Variants in KCNMB4 observed in about 807,000 individuals in gnomAD.
KCNMB4 encodes the protein calcium-activated potassium channel subunit beta-4.
A neutral mutation model predicts 20.7 loss-of-function variants in KCNMB4; 3 were observed. The observed-to-expected ratio is 0.14, with a 90% CI of 0.07 to 0.37. The LOEUF is 0.37. KCNMB4 is among the 10% of genes least tolerant of loss of function. The probability of loss-of-function intolerance (pLI) is 1.00; values close to 1 mark genes in which losing one functional copy is unlikely to be tolerated. For synonymous variants in KCNMB4, 110 were observed against 113.4 expected (o/e 0.97, Z 0.19); for missense variants, 168 against 265.9 (o/e 0.63, Z 2.56).
chr12:70,389,477 T>G (rs1031064050), intron 1 of KCNMB4, among the ~76,000 whole-genome samples: 1 of 152,158 alleles, frequency 6.6e-6, no homozygotes, highest in Non-Finnish European at 1.5e-5. Flanking sequence ...GCAGATCCCT[T>G]GAGCCCAGGA....
intron 2 of KCNMB4, among the ~76,000 whole-genome samples, chr12:70,429,577 G>A (rs1455246238): frequency 6.6e-6 from 1 of 150,408 alleles, no homozygotes; most frequent in Non-Finnish European, 1.5e-5. Flanking sequence ...TGAGGCAGGA[G>A]AATGGCATGA....
chr12:70,422,807 T>A, intron 2 of KCNMB4: 7 of 1,258,098 alleles, frequency 5.6e-6, no homozygotes, highest in Non-Finnish European at 7.2e-6. Context: ...AAGAATCACA[T>A]TGGGAAAACC....
chr12:70,391,356 G>A (rs929428077), intron 1 of KCNMB4, among the ~76,000 whole-genome samples: 3 of 151,730 alleles, frequency 2.0e-5, no homozygotes, highest in Admixed American at 6.6e-5. Flanking sequence ...AGGCTGGAGT[G>A]CAGTGGCACA....
chr12:70,366,309 G>C lies in KCNMB4; in HGVS notation c.-426G>C, dbSNP rs1261864287. 1 of 151,590 alleles carries C rather than the reference G, an allele frequency of 6.6e-6. No individual in the cohort carries two copies. The highest frequency in any genetic ancestry group is 1.5e-5 in the Non-Finnish European group (1 of 67,974). 9.4% of individuals were successfully genotyped at this position (151,590 alleles called of 1,614,324 possible). On this transcript the variant is annotated 5_prime_UTR_variant, in exon 1 of 3. Transcript: ENST00000258111. ...CAGCTCAGACACTCCTAGCCTTGGG[G>C]CAGCTGCCGGGCGAGTCAGCGGAGT...
At chr12:70,384,595 A>T (rs1883853690) in intron 1 of KCNMB4, among the ~76,000 whole-genome samples, 2 of 152,238 alleles carry the variant, frequency 1.3e-5, no homozygotes, top group African/African-American at 2.4e-5. Context: ...GTATAATGGA[A>T]AACGCCAGTC....
At chr12:70,423,837 T>A (rs547617507) in intron 2 of KCNMB4, among the ~76,000 whole-genome samples, 2 of 152,300 alleles carry the variant, frequency 1.3e-5, no homozygotes, top group African/African-American at 4.8e-5. Context: ...GGGCAAAAAT[T>A]GGCTCATGAT....
intron 2 of KCNMB4, among the ~76,000 whole-genome samples, chr12:70,416,747 G>A (rs60041709): frequency 0.097 from 14,825 of 152,172 alleles, 877 homozygotes; most frequent in Admixed American, 0.19. Context: ...AAAATTGAAT[G>A]TATAGTAAAG....
intron 2 of KCNMB4, among the ~76,000 whole-genome samples, chr12:70,421,612 C>T (rs4761140): frequency 0.26 from 38,835 of 149,934 alleles, 5,629 homozygotes; most frequent in African/African-American, 0.4. Context: ...GACAGAGTCT[C>T]GCTCTGTCGC....
rs891496416 is a variant in KCNMB4, at chr12:70,434,167, A to T, written c.*3514A>T. 6.6e-6 allele frequency: 1 copy of T among 152,096 alleles called. No individual in the cohort carries two copies. The highest frequency in any genetic ancestry group is 2.4e-5 in the African/African-American group (1 of 41,408). The allele number at this position is 152,096 out of a possible 1,614,324, so 9.4% of individuals were successfully genotyped here. ...CCCTGGCATGCATGCAGGAAGCTTC[A>T]CCCCAGCCTCACACTCTAAGACGGA... On this transcript the variant is annotated 3_prime_UTR_variant, in exon 3 of 3. Coordinates refer to ENST00000258111, the MANE Select transcript of KCNMB4 (RefSeq NM_014505.6).
At chr12:70,393,691 CTA>C (rs1349088372) in intron 1 of KCNMB4, among the ~76,000 whole-genome samples, 1 of 152,126 alleles carries the variant, frequency 6.6e-6, no homozygotes, top group Non-Finnish European at 1.5e-5. Flanking sequence ...ACTAAAAAAA[CTA>C]TGCATTGGAG....
In KCNMB4 at chr12:70,379,459, C is replaced by A. The variant is rs1287834064; in HGVS notation, c.336+12389C>A. On this transcript the variant is annotated intron_variant, in intron 1 of 2. Coordinates refer to ENST00000258111, the MANE Select transcript of KCNMB4 (RefSeq NM_014505.6). ...TTTTTGAGACAAGGTCTGGCTGTCACCCAGGCTGGAGTGCAGTGGTGTGAT... is the reference window on the plus strand; with the variant it reads ...TTTTTGAGACAAGGTCTGGCTGTCAACCAGGCTGGAGTGCAGTGGTGTGAT... Among the ~76,000 whole-genome samples the A allele has an allele frequency of 2.0e-5, 3 of 152,126 alleles. No individual in the cohort carries two copies. The East Asian group carries it at 5.8e-4, about 29-fold the overall frequency.
intron 2 of KCNMB4, among the ~76,000 whole-genome samples, chr12:70,406,709 A>G (rs1001671229): frequency 1.3e-5 from 2 of 151,934 alleles, no homozygotes; most frequent in African/African-American, 4.8e-5. Flanking sequence ...GACCATGTTG[A>G]TGAACGTCCT....
intron 1 of KCNMB4, among the ~76,000 whole-genome samples, chr12:70,383,624 C>A (rs1489403787): frequency 6.6e-6 from 1 of 152,204 alleles, no homozygotes; most frequent in Non-Finnish European, 1.5e-5. Context: ...TAGAAAAACA[C>A]CCTTCCTTGC....
intron 2 of KCNMB4, among the ~76,000 whole-genome samples, chr12:70,401,087 G>A (rs1009153169): frequency 6.6e-6 from 1 of 152,098 alleles, no homozygotes; most frequent in Non-Finnish European, 1.5e-5. Flanking sequence ...GTGCAGTGAC[G>A]AGATCTTGGC....
intron 2 of KCNMB4, among the ~76,000 whole-genome samples, chr12:70,407,703 G>A (rs1009513838): frequency 2.6e-5 from 4 of 151,560 alleles, no homozygotes; most frequent in East Asian, 3.9e-4. Context: ...TCCTGACCTC[G>A]TGATCCGCCC....
Position 70,366,528 on chromosome 12 carries a change from G to C in KCNMB4, c.-207G>C, listed in dbSNP as rs1047300068. The C allele has an allele frequency of 6.4e-6, 1 of 157,364 alleles. No homozygotes were observed. 9.7% of individuals were successfully genotyped at this position (157,364 alleles called of 1,614,324 possible). On this transcript the variant is annotated 5_prime_UTR_variant, in exon 1 of 3. Coordinates refer to ENST00000258111, the MANE Select transcript of KCNMB4 (RefSeq NM_014505.6). ...GCGGGGCCCAGGCGGCGGCTGGGGG[G>C]CTGGGGGGCGCTGCCGCCGCCGCCG...
chr12:70,395,064 G>A (rs568290620), intron 1 of KCNMB4, among the ~76,000 whole-genome samples: 2 of 151,970 alleles, frequency 1.3e-5, no homozygotes, highest in South Asian at 4.2e-4. Flanking sequence ...AAATTACAAT[G>A]ATAGCTGACA....
chr12:70,413,069 G>T (rs933561940), intron 2 of KCNMB4, among the ~76,000 whole-genome samples: 8 of 152,154 alleles, frequency 5.3e-5, no homozygotes, highest in African/African-American at 1.9e-4. Flanking sequence ...CAGAGTTGAA[G>T]GCTTTCTTTG....
intron 1 of KCNMB4, among the ~76,000 whole-genome samples, chr12:70,392,663 T>C (rs1033067960): frequency 6.6e-6 from 1 of 152,134 alleles, no homozygotes; most frequent in African/African-American, 2.4e-5. Context: ...TAAAAAAAGA[T>C]GAGTTCATGT....
Sources: allele counts gnomAD v4.1 joint callset (sites outside exome capture counted in the v4.1 genomes callset), GRCh38; gene constraint gnomAD v4.1.1; transcripts MANE v1.5; gene names NCBI Gene and HGNC (gene_info 2026-07-23, HGNC 2026-07-21).